The following ALG1 variants were observed in gnomAD, a reference collection of about 807,000 sequenced individuals.
ALG1 encodes ALG1 chitobiosyldiphosphodolichol beta-mannosyltransferase.
ALG1 carries 58 observed loss-of-function variants against 55.1 expected under a neutral mutation model. The observed-to-expected ratio is 1.05, with a 90% confidence interval of 0.85 to 1.31. The LOEUF is 1.31. ALG1 is among the 50% of genes most tolerant of loss of function. The pLI is 0.00. For synonymous variants in ALG1, 309 were observed against 247.0 expected (o/e 1.25, Z -2.35); for missense variants, 761 against 598.6 (o/e 1.27, Z -2.83).
intron 10 of ALG1, among the ~76,000 whole-genome samples, chr16:5,081,447 C>G (rs1208971061): frequency 3.3e-5 from 5 of 152,236 alleles, no homozygotes; most frequent in African/African-American, 1.2e-4. Flanking sequence ...CCGTCTCTTT[C>G]CCCGTTGATT....
intron 9 of ALG1, 83 bp from the exon 10 acceptor site, chr16:5,080,863 C>A: frequency 6.5e-7 from 1 of 1,545,716 alleles, no homozygotes; most frequent in East Asian, 2.2e-5. Context: ...AGGGATCCCT[C>A]CTAGGGGGGA....
Position 5,086,341 on chromosome 16 carries a change from A to G in ALG1, c.*1460A>G, listed in dbSNP as rs1256434362. On this transcript the variant is annotated 3_prime_UTR_variant, in exon 13 of 13. Coordinates refer to ENST00000262374, the MANE Select transcript of ALG1 (RefSeq NM_019109.5). ...CAGGGTGAGACTAAGTCTCAAAAAA[A>G]AAAAAAAAAAACCACACGCACCACA... Among the ~76,000 whole-genome samples the G allele has an allele frequency of 6.6e-6, 1 of 151,102 alleles. No homozygotes were observed. The highest frequency in any genetic ancestry group is 2.4e-5 in the African/African-American group (1 of 41,208).
rs190402165 is a variant in ALG1, at chr16:5,085,656, C to T, written c.*775C>T. ...CCTACAGGGTGAGATTCAGCATTGC[C>T]ATCTCCAAGTGCTCTTCGTAGGGAA... On this transcript the variant is annotated 3_prime_UTR_variant, in exon 13 of 13. Coordinates refer to ENST00000262374, the MANE Select transcript of ALG1 (RefSeq NM_019109.5). The T allele has an allele frequency of 2.4e-4, 380 of 1,611,242 alleles. 4 individuals carry two copies. In the East Asian group the frequency reaches 5.2e-3, roughly 22 times the overall value.
chr16:5,082,735 C>A, intron 11 of ALG1, 62 bp downstream of exon 11: 1 of 1,594,844 alleles, frequency 6.3e-7, no homozygotes, highest in Non-Finnish European at 8.5e-7. Flanking sequence ...GAGGGGGAAG[C>A]AGTGCAGAGG....
Position 5,071,902 on chromosome 16 carries a change from T to C in ALG1, c.53T>C (p.Leu18Pro), listed in dbSNP as rs769359408. 3 of 1,600,310 alleles carry C rather than the reference T, an allele frequency of 1.9e-6. No individual in the cohort carries two copies. The highest frequency in any genetic ancestry group is 1.7e-6 in the Non-Finnish European group (2 of 1,174,786). The change falls in exon 1 of 13, where the codon CTG becomes CCG. Residue 18 changes from leucine to proline, a missense_variant. By Grantham distance (98) the Leu-to-Pro change is moderately conservative. Transcript: ENST00000262374. ...LLALCLLLPL[L>P]LLGGWKRWRR... ...GCGCTGTGTCTGCTGCTGCCGCTGC[T>C]GCTGCTGGGAGGATGGAAGCGCTGG...
At chr16:5,073,562 T>C (rs1956857875) in intron 3 of ALG1, 2 of 437,268 alleles carry the variant, frequency 4.6e-6, no homozygotes, top group Non-Finnish European at 4.2e-6. Context: ...TTCTTAAGGT[T>C]GTTCTCATTT....
At position 5,087,268 on chromosome 16, in the gene ALG1, T is replaced by A. The variant is rs1190441513; in HGVS notation, c.*2387T>A. 6.6e-6 allele frequency: 1 copy of A among 152,214 alleles called. No individual in the cohort carries two copies. The highest frequency in any genetic ancestry group is 1.5e-5 in the Non-Finnish European group (1 of 68,032). 9.4% of individuals were successfully genotyped at this position (152,214 alleles called of 1,614,324 possible). A position where few individuals can be genotyped will look rare whatever the true frequency, so the allele number is the denominator to read the frequency against. ...GTACTGTTTGAAGAAAGTTTACAGA[T>A]TTGCGTTGGGCCGCAAGTTGGACAA... On this transcript the variant is annotated 3_prime_UTR_variant, in exon 13 of 13. Coordinates refer to ENST00000262374, the MANE Select transcript of ALG1 (RefSeq NM_019109.5).
rs983547319 is a variant in ALG1 at position 5,081,044 on chromosome 16, C to T, written c.1060C>T (p.Pro354Ser). The change falls in exon 10 of 13, where the codon CCC (proline) becomes TCC (serine). Residue 354 changes from proline to serine, a missense_variant. Physicochemically the swap from Pro to Ser is moderately conservative, Grantham distance 74. Transcript: ENST00000262374. ...CCCCTGGCTGGAGGCCGAGGACTAC[C>T]CCCTGCTTCTAGGTGAGAGGCCAGC... is the stretch of plus-strand genomic sequence containing the variant. ...CTPWLEAEDY[P>S]LLLGSADLGV... 18 of 1,596,292 alleles carry T rather than the reference C, an allele frequency of 1.1e-5. No homozygotes were observed. The highest frequency in any genetic ancestry group is 1.5e-5 in the Non-Finnish European group (18 of 1,179,700).
Position 5,084,887 on chromosome 16 carries a change from G to C in ALG1, c.*6G>C, listed in dbSNP as rs562910605. 6.3e-7 allele frequency: 1 copy of C among 1,583,624 alleles called. No individual in the cohort carries two copies. The highest frequency in any genetic ancestry group is 2.2e-5 in the East Asian group (1 of 44,510). On this transcript the variant is annotated 3_prime_UTR_variant, in exon 13 of 13. Coordinates refer to ENST00000262374, the MANE Select transcript of ALG1 (RefSeq NM_019109.5). ...CTTTGGTTATGGACACATAACTCCT[G>C]GGCCAGAGGCTAAAACCCCAGGACC... is the stretch of plus-strand genomic sequence containing the variant.
chr16:5,077,330 G>A, intron 4 of ALG1, 115 bp from the exon 5 acceptor site: 1 of 891,546 alleles, frequency 1.1e-6, no homozygotes, highest in South Asian at 1.3e-5. Flanking sequence ...GGGGCTCAGG[G>A]AGCTCAAACT....
chr16:5,071,914 G>T lies in ALG1; in HGVS notation c.65G>T (p.Gly22Val). The T allele has an allele frequency of 6.3e-7, 1 of 1,597,490 alleles. No individual in the cohort carries two copies. The highest frequency in any genetic ancestry group is 1.7e-5 in the Admixed American group (1 of 57,736). Reference sequence around the variant, plus strand: ...CTGCTGCCGCTGCTGCTGCTGGGAGGATGGAAGCGCTGGCGCCGGGGGCGG... The same window carrying T: ...CTGCTGCCGCTGCTGCTGCTGGGAGTATGGAAGCGCTGGCGCCGGGGGCGG... ...CLLLPLLLLG[G>V]WKRWRRGRAA... Residue 22 changes from glycine (G) to valine (V), a missense_variant, in exon 1 of 13, where the codon GGA becomes GTA. Gly to Val is a moderately radical substitution (Grantham distance 109). Transcript: ENST00000262374.
chr16:5,072,793 A>AT (rs1454820033), intron 1 of ALG1, among the ~76,000 whole-genome samples, 158 bp from the exon 2 acceptor site: 3 of 152,208 alleles, frequency 2.0e-5, no homozygotes, highest in African/African-American at 7.2e-5. Flanking sequence ...CTGAACAAGA[A>AT]TTGGCCGCAT....
intron 3 of ALG1, 43 bp downstream of exon 3, chr16:5,073,299 C>T (rs371105766): frequency 8.3e-6 from 13 of 1,564,540 alleles, no homozygotes; most frequent in Non-Finnish European, 8.8e-6. Flanking sequence ...GCCATGTTAG[C>T]AGTTTACTTT....
intron 4 of ALG1, among the ~76,000 whole-genome samples, chr16:5,076,825 C>G (rs1342239280): frequency 7.3e-6 from 1 of 136,802 alleles, no homozygotes; most frequent in African/African-American, 2.7e-5. Flanking sequence ...GAGACAGTCT[C>G]ACTCTATGTC....
rs1957121073 is a variant in ALG1, at chr16:5,085,438, G to C, written c.*557G>C. ...GGTGATTTTCTTAAGAACCAGAACT[G>C]CTGGCAGAAAGGGGGCACCCACACG... On this transcript the variant is annotated 3_prime_UTR_variant, in exon 13 of 13. Transcript: ENST00000262374. 3.3e-6 allele frequency: 2 copies of C among 599,346 alleles called. No homozygotes were observed. The highest frequency in any genetic ancestry group is 6.1e-6 in the Non-Finnish European group (2 of 326,590). The allele number at this position is 599,346 out of a possible 1,614,324, so 37.1% of individuals were successfully genotyped here. A position where few individuals can be genotyped will look rare whatever the true frequency, so the allele number is the denominator to read the frequency against.
intron 10 of ALG1, among the ~76,000 whole-genome samples, chr16:5,081,488 G>C (rs1957017334): frequency 6.6e-6 from 1 of 152,238 alleles, no homozygotes; most frequent in Non-Finnish European, 1.5e-5. Context: ...CCTTGGTCCT[G>C]ATGCGTCTCT....
At chr16:5,084,708 G>A (rs374102711) in intron 12 of ALG1, 42 bp from the exon 13 acceptor site, 19 of 1,596,190 alleles carry the variant, frequency 1.2e-5, no homozygotes, top group Admixed American at 1.7e-5. Context: ...GATGGGGTGG[G>A]GACAGGCAAT....
chr16:5,076,284 G>A (rs576227974), intron 4 of ALG1, among the ~76,000 whole-genome samples: 21 of 152,336 alleles, frequency 1.4e-4, no homozygotes, highest in Non-Finnish European at 2.8e-4. Flanking sequence ...TGTGGCCTTC[G>A]CCCTGATAGT....
chr16:5,073,531 G>A, intron 3 of ALG1: 1 of 497,870 alleles, frequency 2.0e-6, no homozygotes, highest in Non-Finnish European at 3.6e-6. Flanking sequence ...AATATTGCAT[G>A]TAGGTAATAC....
Sources: allele counts gnomAD v4.1 joint callset (sites outside exome capture counted in the v4.1 genomes callset), GRCh38; gene constraint gnomAD v4.1.1; transcripts MANE v1.5; gene names NCBI Gene and HGNC (gene_info 2026-07-23, HGNC 2026-07-21).